Variants in SSBP2 observed in about 807,000 individuals in gnomAD.
SSBP2 encodes single-stranded DNA-binding protein 2.
SSBP2 carries 17 observed loss-of-function variants against 61.8 expected under a neutral mutation model. That is an observed-to-expected ratio of 0.28 (90% CI 0.19 to 0.41). SSBP2 has a LOEUF of 0.41. Ranked by LOEUF, SSBP2 falls within the 10% of genes least tolerant of loss-of-function variation. The pLI is 1.00. For synonymous variants in SSBP2, 139 were observed against 141.3 expected, an observed-to-expected ratio of 0.98 and a Z score of 0.12; for missense variants, 310 against 458.7, an observed-to-expected ratio of 0.68 and a Z score of 2.96.
intron 2 of SSBP2, among the ~76,000 whole-genome samples, chr5:81,647,222 C>G (rs990880645): frequency 6.6e-6 from 1 of 151,938 alleles, no homozygotes; most frequent in East Asian, 1.9e-4. Flanking sequence ...CCCTTTGAAC[C>G]CTTTAATGTC....
At position 81,627,688 on chromosome 5, in the gene SSBP2, A is replaced by C. The variant is rs1581202091; in HGVS notation, c.197+8869T>G. On this transcript the variant is annotated intron_variant, in intron 3 of 16. Coordinates refer to ENST00000320672, the MANE Select transcript of SSBP2 (RefSeq NM_012446.5). ...TTATTTTCTCTACAATGTTATATAT[A>C]TTTGATTTCAGGATATAAATACAGG... Among the ~76,000 whole-genome samples the C allele has an allele frequency of 1.3e-5, 2 of 152,302 alleles. 1 individual carries two copies. Among genetic ancestry groups the C allele is most frequent in the East Asian group, 3.9e-4 (2 of 5,186 alleles).
chr5:81,569,041 G>T (rs1205632453), intron 4 of SSBP2, among the ~76,000 whole-genome samples: 2 of 152,178 alleles, frequency 1.3e-5, no homozygotes, highest in Non-Finnish European at 2.9e-5. Flanking sequence ...AGGACTGGGT[G>T]AAGGTTCCAC....
intron 11 of SSBP2, among the ~76,000 whole-genome samples, 198 bp downstream of exon 11, chr5:81,448,592 G>C (rs78676814): frequency 6.6e-6 from 1 of 152,100 alleles, no homozygotes; most frequent in Non-Finnish European, 1.5e-5. Flanking sequence ...ACAGTACTCA[G>C]GGCAATTCTG....
At chr5:81,725,398 CT>C (rs2153979567) in intron 1 of SSBP2, among the ~76,000 whole-genome samples, 1 of 152,198 alleles carries the variant, frequency 6.6e-6, no homozygotes, top group South Asian at 2.1e-4. Context: ...AAGAGAACTA[CT>C]ATGTACTCCT....
At position 81,684,714 on chromosome 5, in the gene SSBP2, A is replaced by G. The variant is rs183237154; in HGVS notation, c.63-34375T>C. ...TGCTTGTACCCCGACTGCATCTTGGAGTAACTAACTTGTTTTTTATTTCAC... is the reference window on the plus strand; with the variant it reads ...TGCTTGTACCCCGACTGCATCTTGGGGTAACTAACTTGTTTTTTATTTCAC... On this transcript the variant is annotated intron_variant, in intron 1 of 16. Transcript: ENST00000320672. Among the ~76,000 whole-genome samples, 22 of 152,260 alleles carry G rather than the reference A, an allele frequency of 1.4e-4. No individual in the cohort carries two copies. In the East Asian group the frequency reaches 4.1e-3, roughly 28 times the overall value.
intron 1 of SSBP2, among the ~76,000 whole-genome samples, chr5:81,743,438 T>C (rs1457690645): frequency 6.6e-6 from 1 of 152,224 alleles, no homozygotes; most frequent in African/African-American, 2.4e-5. Context: ...CACTATTTTA[T>C]TATTTTTATA....
At chr5:81,611,776 A>G (rs897200757) in intron 4 of SSBP2, among the ~76,000 whole-genome samples, 21 of 152,256 alleles carry the variant, frequency 1.4e-4, no homozygotes, top group South Asian at 1.2e-3. Flanking sequence ...TTTTTACAAT[A>G]AAATGAACTT....
chr5:81,558,686 TG>T (rs2153403011), intron 4 of SSBP2, among the ~76,000 whole-genome samples: 1 of 152,374 alleles, frequency 6.6e-6, no homozygotes, highest in African/African-American at 2.4e-5. Context: ...ACAACCTGCA[TG>T]TTTGAATATA....
chr5:81,469,521 G>C (rs890459540), intron 8 of SSBP2, among the ~76,000 whole-genome samples: 1 of 151,672 alleles, frequency 6.6e-6, no homozygotes, highest in East Asian at 1.9e-4. Flanking sequence ...TTATTATCTA[G>C]ACTTTCCCCA....
In SSBP2 at chr5:81,417,503, A is replaced by G. The variant is rs1761357458; in HGVS notation, c.*3001T>C. The G allele has an allele frequency of 6.6e-6, 1 of 152,224 alleles. No individual in the cohort carries two copies. The highest frequency in any genetic ancestry group is 2.1e-4 in the South Asian group (1 of 4,832). The allele number at this position is 152,224 out of a possible 1,614,324, so 9.4% of individuals were successfully genotyped here. A position where few individuals can be genotyped will look rare whatever the true frequency, so the allele number is the denominator to read the frequency against. On this transcript the variant is annotated 3_prime_UTR_variant, in exon 17 of 17. Coordinates refer to ENST00000320672, the MANE Select transcript of SSBP2 (RefSeq NM_012446.5). ...GTTCAATGCAGCAAGAATTGCTGAT[A>G]TTATTACTGTGAGATGACGTGTAAA...
At chr5:81,748,635 C>CA (rs1193488853) in intron 1 of SSBP2, among the ~76,000 whole-genome samples, 1 of 152,214 alleles carries the variant, frequency 6.6e-6, no homozygotes, top group Non-Finnish European at 1.5e-5. Context: ...GCGGCCTCTT[C>CA]ACCTATATTT....
intron 1 of SSBP2, among the ~76,000 whole-genome samples, chr5:81,706,185 C>G (rs365241): frequency 6.6e-6 from 1 of 151,906 alleles, no homozygotes; most frequent in African/African-American, 2.4e-5. Context: ...TTTGCAGCAA[C>G]ATGGATGCAG....
chr5:81,498,636 C>A (rs138642545), intron 5 of SSBP2, among the ~76,000 whole-genome samples: 1 of 151,770 alleles, frequency 6.6e-6, no homozygotes, highest in Non-Finnish European at 1.5e-5. Context: ...TCATGATGTG[C>A]CCTTTTTTAG....
intron 4 of SSBP2, among the ~76,000 whole-genome samples, chr5:81,526,047 A>G (rs1036564578): frequency 2.6e-5 from 4 of 152,090 alleles, no homozygotes; most frequent in African/African-American, 9.7e-5. Flanking sequence ...TCTTCTAAAA[A>G]TATCATATCC....
At position 81,419,466 on chromosome 5, in the gene SSBP2, C is replaced by G. The variant is rs573795597; in HGVS notation, c.*1038G>C. On this transcript the variant is annotated 3_prime_UTR_variant, in exon 17 of 17. Transcript: ENST00000320672. ...TTTCTAGTGTCTATAAGAATATGCT[C>G]ACAAAAAGTCTGAATAAAAACCAGA... 5.9e-5 allele frequency: 9 copies of G among 152,266 alleles called. No individual in the cohort carries two copies. The South Asian group carries it at 1.7e-3, about 28-fold the overall frequency. 9.4% of individuals were successfully genotyped at this position (152,266 alleles called of 1,614,324 possible).
chr5:81,728,756 C>T (rs1756062208), intron 1 of SSBP2, among the ~76,000 whole-genome samples: 1 of 152,150 alleles, frequency 6.6e-6, no homozygotes, highest in Non-Finnish European at 1.5e-5. Flanking sequence ...AAGCTCCAAG[C>T]ATGAATTAAC....
intron 1 of SSBP2, among the ~76,000 whole-genome samples, chr5:81,706,177 T>C (rs1208628522): frequency 6.6e-6 from 1 of 152,188 alleles, no homozygotes; most frequent in Non-Finnish European, 1.5e-5. Flanking sequence ...TCAAGTCCTT[T>C]GCAGCAACAT....
At chr5:81,503,260 C>G (rs974871819) in intron 5 of SSBP2, among the ~76,000 whole-genome samples, 1 of 152,152 alleles carries the variant, frequency 6.6e-6, no homozygotes, top group African/African-American at 2.4e-5. Flanking sequence ...CAAGACCAAC[C>G]TGGCCAACAC....
intron 9 of SSBP2, among the ~76,000 whole-genome samples, chr5:81,464,914 T>C (rs1357081926): frequency 6.6e-6 from 1 of 152,084 alleles, no homozygotes; most frequent in Non-Finnish European, 1.5e-5. Context: ...TGAATTTCAA[T>C]AAAGCTTACC....
Sources: allele counts gnomAD v4.1 joint callset (sites outside exome capture counted in the v4.1 genomes callset), GRCh38; gene constraint gnomAD v4.1.1; transcripts MANE v1.5; gene names NCBI Gene and HGNC (gene_info 2026-07-23, HGNC 2026-07-21).